The following NEMP2 variants were observed in gnomAD, a reference collection of about 807,000 sequenced individuals.
NEMP2 encodes the protein UPF0571 transmembrane protein.
NEMP2 carries 53 observed loss-of-function variants against 54.2 expected under a neutral mutation model. The observed-to-expected ratio is 0.98, with a 90% CI of 0.78 to 1.23. The LOEUF (loss-of-function observed/expected upper bound fraction) is 1.23. NEMP2 is among the 50% of genes most tolerant of loss of function. The probability of loss-of-function intolerance (pLI) is 0.00; values close to 1 mark genes in which losing one functional copy is unlikely to be tolerated. For missense variants in NEMP2, 455 were observed against 511.3 expected (o/e 0.89, Z 1.06); for synonymous variants, 197 against 190.3 (o/e 1.04, Z -0.29).
chr2:190,549,564 ATAT>A, the NEMP2 span, among the ~76,000 whole-genome samples: 1 of 152,176 alleles, frequency 6.6e-6, no homozygotes, highest in Admixed American at 6.5e-5. Flanking sequence ...TTTTTGAATA[ATAT>A]TATCATGAAC....
chr2:190,489,896 C>G, the NEMP2 span: 1 of 1,591,612 alleles, frequency 6.3e-7, no homozygotes. This position sits in a 1 kb window ranked among gnomAD's most constrained non-coding sequence, Gnocchi z 6.6. Flanking sequence ...CTTAATATTC[C>G]TAACAGTTCA....
the NEMP2 span, among the ~76,000 whole-genome samples, chr2:190,634,890 G>A: frequency 6.6e-6 from 1 of 152,200 alleles, no homozygotes; most frequent in African/African-American, 2.4e-5. This position sits in a 1 kb window ranked among gnomAD's most constrained non-coding sequence, Gnocchi z 6.8. Flanking sequence ...TGGTTAGGAA[G>A]GCTGATGTGG....
the NEMP2 span, among the ~76,000 whole-genome samples, chr2:190,575,154 C>T: frequency 6.6e-6 from 1 of 151,876 alleles, no homozygotes; most frequent in South Asian, 2.1e-4. Flanking sequence ...CGTGCCCAGC[C>T]GACTCTGTTT....
chr2:190,601,926 A>G, the NEMP2 span, among the ~76,000 whole-genome samples: 1 of 152,248 alleles, frequency 6.6e-6, no homozygotes, highest in Non-Finnish European at 1.5e-5. This position sits in a 1 kb window ranked among gnomAD's most constrained non-coding sequence, Gnocchi z 5.8. Flanking sequence ...TCTTTCACTT[A>G]TTAGCCTATA....
At position 190,509,091 on chromosome 2, in the gene NEMP2, T is replaced by C. The variant is rs964126796; in HGVS notation, c.*98A>G. 1 of 1,472,500 alleles carries C rather than the reference T, an allele frequency of 6.8e-7. No homozygotes were observed. Among genetic ancestry groups the C allele is most frequent in the African/African-American group, 1.4e-5 (1 of 70,102 alleles). 91.2% of individuals were successfully genotyped at this position (1,472,500 alleles called of 1,614,324 possible). ...TGTTTTTCTCCACAGCAAATGTTTT[T>C]GCCACCGTTCACTAGAACAGTTCTG... On this transcript the variant is annotated 3_prime_UTR_variant, in exon 9 of 9. Coordinates refer to ENST00000409150, the MANE Select transcript of NEMP2 (RefSeq NM_001142645.2). This position sits in a 1 kb window ranked among gnomAD's most constrained non-coding sequence, Gnocchi z 6.1.
chr2:190,425,043 T>C, the NEMP2 span, among the ~76,000 whole-genome samples: 1 of 152,254 alleles, frequency 6.6e-6, no homozygotes, highest in Non-Finnish European at 1.5e-5. The surrounding 1 kb of genome is among the most constrained non-coding windows in gnomAD (Gnocchi z 4.3). Flanking sequence ...CAGCATTTTA[T>C]GGTTTTCAGC....
chr2:190,433,808 T>C, the NEMP2 span, among the ~76,000 whole-genome samples: 20 of 152,158 alleles, frequency 1.3e-4, no homozygotes, highest in African/African-American at 4.6e-4. This position sits in a 1 kb window ranked among gnomAD's most constrained non-coding sequence, Gnocchi z 4.5. Context: ...TTTAGAAGGT[T>C]TTTCAGAATG....
the NEMP2 span, among the ~76,000 whole-genome samples, chr2:190,624,095 C>T: frequency 1.3e-5 from 2 of 152,078 alleles, no homozygotes; most frequent in African/African-American, 2.4e-5. Flanking sequence ...CAAGCCTGAG[C>T]AACATAGTGA....
the NEMP2 span, among the ~76,000 whole-genome samples, chr2:190,579,780 C>A: frequency 6.6e-6 from 1 of 152,202 alleles, no homozygotes; most frequent in African/African-American, 2.4e-5. Context: ...CAGGCTGAAA[C>A]TCTTATCAGT....
chr2:190,580,365 G>T, the NEMP2 span, among the ~76,000 whole-genome samples: 1 of 152,126 alleles, frequency 6.6e-6, no homozygotes, highest in South Asian at 2.1e-4. This position sits in a 1 kb window ranked among gnomAD's most constrained non-coding sequence, Gnocchi z 5.3. Flanking sequence ...GTGTGGGCTG[G>T]ACTGGAGTCT....
At chr2:190,589,211 T>C in the NEMP2 span, among the ~76,000 whole-genome samples, 1 of 152,128 alleles carries the variant, frequency 6.6e-6, no homozygotes, top group African/African-American at 2.4e-5. The surrounding 1 kb of genome is among the most constrained non-coding windows in gnomAD (Gnocchi z 4.3). Flanking sequence ...TACCCAGAGA[T>C]TCCCCCTTGA....
At chr2:190,580,755 C>T in the NEMP2 span, among the ~76,000 whole-genome samples, 4 of 152,166 alleles carry the variant, frequency 2.6e-5, no homozygotes, top group South Asian at 8.3e-4. The surrounding 1 kb of genome is among the most constrained non-coding windows in gnomAD (Gnocchi z 5.3). Flanking sequence ...CCTCCACAGA[C>T]TGACATTACC....
rs1559154329 is a variant in NEMP2, at chr2:190,509,734, A to G, written c.1131-422T>C. Among the ~76,000 whole-genome samples the G allele has an allele frequency of 6.6e-6, 1 of 152,252 alleles. No homozygotes were observed. On this transcript the variant is annotated intron_variant, in intron 8 of 8. Coordinates refer to ENST00000409150, the MANE Select transcript of NEMP2 (RefSeq NM_001142645.2). The surrounding 1 kb of genome is among the most constrained non-coding windows in gnomAD (Gnocchi z 6.1). ...AAATTTTGGGACAGACGTCTTTCTT[A>G]GTGAACTTTAAAAATGATTTTCCAG...
chr2:190,474,044 T>G, the NEMP2 span, among the ~76,000 whole-genome samples: 1 of 152,176 alleles, frequency 6.6e-6, no homozygotes, highest in East Asian at 1.9e-4. Context: ...TGTACCAGAA[T>G]CTCTGGGACA....
At chr2:190,446,158 TGTG>T in the NEMP2 span, among the ~76,000 whole-genome samples, 1 of 152,318 alleles carries the variant, frequency 6.6e-6, no homozygotes, top group East Asian at 1.9e-4. Context: ...TCCCCTGTCT[TGTG>T]GTGAGGTTTA....
chr2:190,438,449 G>C, the NEMP2 span, among the ~76,000 whole-genome samples: 1 of 152,228 alleles, frequency 6.6e-6, no homozygotes, highest in Non-Finnish European at 1.5e-5. This position sits in a 1 kb window ranked among gnomAD's most constrained non-coding sequence, Gnocchi z 5.2. Flanking sequence ...CCAGGAGGCA[G>C]AGGTTGCAGT....
At chr2:190,494,172 A>C in the NEMP2 span, among the ~76,000 whole-genome samples, 5 of 152,196 alleles carry the variant, frequency 3.3e-5, no homozygotes, top group African/African-American at 1.2e-4. The surrounding 1 kb of genome is among the most constrained non-coding windows in gnomAD (Gnocchi z 5.7). Flanking sequence ...AAAACAGGAA[A>C]TATTACAACT....
At chr2:190,429,028 T>A in the NEMP2 span, among the ~76,000 whole-genome samples, 1 of 152,122 alleles carries the variant, frequency 6.6e-6, no homozygotes, top group South Asian at 2.1e-4. Flanking sequence ...GTATTCTGGT[T>A]TTAATGCTTT....
chr2:190,546,065 GTTTC>G, the NEMP2 span, among the ~76,000 whole-genome samples: 2 of 152,122 alleles, frequency 1.3e-5, no homozygotes, highest in African/African-American at 4.8e-5. This position sits in a 1 kb window ranked among gnomAD's most constrained non-coding sequence, Gnocchi z 5.1. Context: ...GTTCTACACT[GTTTC>G]TATAACAAAA....
Sources: allele counts gnomAD v4.1 joint callset (sites outside exome capture counted in the v4.1 genomes callset), GRCh38; gene constraint gnomAD v4.1.1; non-coding constraint Gnocchi (gnomAD v3.1); transcripts MANE v1.5; gene names NCBI Gene and HGNC (gene_info 2026-07-23, HGNC 2026-07-21).